UBE3D: variants seen among roughly 807,000 people sequenced by gnomAD.
UBE3D encodes ubiquitin protein ligase E3D.
UBE3D carries 48 observed loss-of-function variants against 49.6 expected under a neutral mutation model. The observed-to-expected ratio is 0.97, with a 90% CI of 0.77 to 1.23. The LOEUF (loss-of-function observed/expected upper bound fraction) is 1.23. Ranked by LOEUF, UBE3D falls within the 50% of genes most tolerant of loss-of-function variation. UBE3D has a pLI of 0.00. For missense variants in UBE3D, 452 were observed against 468.4 expected (o/e 0.96, Z 0.32); for synonymous variants, 189 against 174.2 (o/e 1.08, Z -0.67).
At position 83,065,638 on chromosome 6, in the gene UBE3D, T is replaced by C; in HGVS notation, c.77+4A>G. ...GGCACTGCGCCTAGAATCCCAGTTCTTACCCCAGGATCAGAAGCGCGCTCT... is the reference window on the plus strand; with the variant it reads ...GGCACTGCGCCTAGAATCCCAGTTCCTACCCCAGGATCAGAAGCGCGCTCT... On this transcript the variant is annotated splice_donor_region_variant and intron_variant, in intron 1 of 9. Coordinates refer to ENST00000369747, the MANE Select transcript of UBE3D (RefSeq NM_198920.3). 1 of 1,613,874 alleles carries C rather than the reference T, an allele frequency of 6.2e-7. No individual in the cohort carries two copies. Among genetic ancestry groups the C allele is most frequent in the African/African-American group, 1.3e-5 (1 of 75,046 alleles).
intron 3 of UBE3D, among the ~76,000 whole-genome samples, chr6:83,045,189 G>A (rs1453944068): frequency 6.6e-6 from 1 of 152,138 alleles, no homozygotes; most frequent in Non-Finnish European, 1.5e-5. Context: ...ATAAGTGTGA[G>A]ATGATAAGCA....
intron 9 of UBE3D, among the ~76,000 whole-genome samples, chr6:82,917,463 A>G (rs752046015): frequency 6.6e-6 from 1 of 152,170 alleles, no homozygotes. Context: ...TGTGCAGTTA[A>G]GCTGTCAGAA....
intron 9 of UBE3D, among the ~76,000 whole-genome samples, chr6:82,899,231 C>T (rs918073443): frequency 6.6e-6 from 1 of 152,110 alleles, no homozygotes; most frequent in African/African-American, 2.4e-5. Context: ...AAACAAAACA[C>T]CAAAAATGTG....
intron 9 of UBE3D, among the ~76,000 whole-genome samples, chr6:82,955,720 C>A (rs137988289): frequency 6.6e-6 from 1 of 152,184 alleles, no homozygotes; most frequent in Non-Finnish European, 1.5e-5. Flanking sequence ...CCTCCACCCA[C>A]CACTCACACT....
Position 83,038,445 on chromosome 6 carries a change from T to C in UBE3D, c.638A>G (p.Lys213Arg), listed in dbSNP as rs764128931. ...ANTKVICKRCKVMLGETVSSE... is the reference protein window; with the variant it reads ...ANTKVICKRCRVMLGETVSSE... ...TGACACGGTCTCTCCCAACATTACCTTGCAACGCTTACAAATTACTTTGGT... is the reference window on the plus strand; with the variant it reads ...TGACACGGTCTCTCCCAACATTACCCTGCAACGCTTACAAATTACTTTGGT... Residue 213 changes from lysine to arginine, a missense_variant, in exon 5 of 10, where the codon AAG (lysine) becomes AGG (arginine). By Grantham distance (26) the Lys-to-Arg change is conservative (BLOSUM62 2). Coordinates refer to ENST00000369747, the MANE Select transcript of UBE3D (RefSeq NM_198920.3). The C allele has an allele frequency of 3.7e-6, 6 of 1,612,016 alleles. No homozygotes were observed. The East Asian group carries it at 8.9e-5, about 24-fold the overall frequency.
At chr6:83,032,081 T>C (rs988311703) in intron 5 of UBE3D, among the ~76,000 whole-genome samples, 1 of 152,170 alleles carries the variant, frequency 6.6e-6, no homozygotes, top group Non-Finnish European at 1.5e-5. Context: ...GGAGCTCCCA[T>C]GTAGAGTCCC....
At chr6:82,931,917 T>A (rs1475913419) in intron 9 of UBE3D, among the ~76,000 whole-genome samples, 1 of 152,224 alleles carries the variant, frequency 6.6e-6, no homozygotes, top group East Asian at 1.9e-4. Context: ...GTTACCATAA[T>A]CTCCACATGT....
At chr6:83,023,806 A>G (rs1039211965) in intron 6 of UBE3D, among the ~76,000 whole-genome samples, 163 bp downstream of exon 6, 1 of 152,198 alleles carries the variant, frequency 6.6e-6, no homozygotes, top group Admixed American at 6.5e-5. Flanking sequence ...TGATGGATGC[A>G]CCCAAATCTC....
At position 83,046,678 on chromosome 6, in the gene UBE3D, G is replaced by GGT. The variant is rs932950330; in HGVS notation, c.366-2020_366-2019insAC. ...TCTAAATTCTTGCAGTTGGCGGGGG[G>GGT]GGTGGGCGGTGGCACCGGGGGAGCA... On this transcript the variant is annotated intron_variant, in intron 3 of 9. Coordinates refer to ENST00000369747, the MANE Select transcript of UBE3D (RefSeq NM_198920.3). Among the ~76,000 whole-genome samples the GGT allele has an allele frequency of 1.6e-4, 21 of 132,890 alleles. 1 individual carries two copies. The highest frequency in any genetic ancestry group is 5.3e-4 in the South Asian group (2 of 3,770). The allele number at this position is 132,890 out of a possible 152,430, so 87.2% of individuals were successfully genotyped here.
intron 9 of UBE3D, among the ~76,000 whole-genome samples, chr6:82,920,647 C>T (rs1191920791): frequency 6.6e-6 from 1 of 152,170 alleles, no homozygotes; most frequent in East Asian, 1.9e-4. Context: ...ATGAGATCTT[C>T]CTAATAAAGC....
intron 5 of UBE3D, among the ~76,000 whole-genome samples, chr6:83,027,449 AAAAAAAAAAAAAGAAACCACTAGTATTG>A (rs1195034723): frequency 6.3e-4 from 93 of 147,310 alleles, no homozygotes; most frequent in Non-Finnish European, 1.2e-3. Context: ...AAAAAAAAAA[AAAAAAAAAAAAAGAAACCACTAGTATTG>A]AATTAACCTA....
At chr6:82,948,119 A>G (rs973463227) in intron 9 of UBE3D, among the ~76,000 whole-genome samples, 12 of 151,950 alleles carry the variant, frequency 7.9e-5, no homozygotes, top group African/African-American at 2.9e-4. Flanking sequence ...AAATTGACAA[A>G]TCTTTAGCCA....
At chr6:82,896,931 G>T (rs558135112) in intron 9 of UBE3D, among the ~76,000 whole-genome samples, 1 of 151,702 alleles carries the variant, frequency 6.6e-6, no homozygotes, top group Non-Finnish European at 1.5e-5. Context: ...AGTAGAGATG[G>T]GGTTTCACCA....
At chr6:83,053,394 T>C (rs987311309) in intron 3 of UBE3D, among the ~76,000 whole-genome samples, 4 of 152,224 alleles carry the variant, frequency 2.6e-5, no homozygotes, top group Non-Finnish European at 1.5e-5. Context: ...GAACTCTAAA[T>C]TCTTTAAATA....
intron 9 of UBE3D, among the ~76,000 whole-genome samples, chr6:82,954,042 T>C (rs1775986409): frequency 6.6e-6 from 1 of 152,106 alleles, no homozygotes; most frequent in African/African-American, 2.4e-5. Flanking sequence ...CCAGTGTGCC[T>C]GGAGCAGAGT....
intron 9 of UBE3D, among the ~76,000 whole-genome samples, chr6:82,906,088 T>C (rs1430272909): frequency 6.6e-6 from 1 of 152,164 alleles, no homozygotes; most frequent in African/African-American, 2.4e-5. Flanking sequence ...AATTCCTTAA[T>C]ATAACCAAAT....
chr6:82,977,189 T>C (rs992047356), intron 8 of UBE3D, among the ~76,000 whole-genome samples: 2 of 150,822 alleles, frequency 1.3e-5, no homozygotes, highest in Admixed American at 6.6e-5. Context: ...AAATGCTCTC[T>C]GGCACAGAAT....
intron 9 of UBE3D, among the ~76,000 whole-genome samples, chr6:82,919,619 A>AAT (rs1773180382): frequency 6.6e-6 from 1 of 151,488 alleles, no homozygotes. Flanking sequence ...AAATAAAATA[A>AAT]AATAATAATA....
chr6:82,962,370 C>T (rs1398230346), intron 8 of UBE3D, among the ~76,000 whole-genome samples: 1 of 152,104 alleles, frequency 6.6e-6, no homozygotes, highest in Non-Finnish European at 1.5e-5. Flanking sequence ...ACATTGGCAC[C>T]GCCTTGTCAC....
Sources: gnomAD v4.1 joint callset for allele counts (sites outside exome capture counted in the v4.1 genomes callset) on GRCh38, gnomAD v4.1.1 for gene constraint, MANE v1.5 for transcripts, NCBI Gene and HGNC (gene_info 2026-07-23, HGNC 2026-07-21) for gene names.